Variants in ABI1 observed in about 807,000 individuals in gnomAD.
ABI1 encodes Abelson interactor 1.
A neutral mutation model predicts 54.6 loss-of-function variants in ABI1; 14 were observed. The observed-to-expected ratio is 0.26, with a 90% confidence interval of 0.17 to 0.40. The LOEUF is 0.40. Among genes scored for constraint, ABI1 ranks in the 10% least tolerant of loss-of-function variants. The probability of loss-of-function intolerance (pLI) is 1.00; values close to 1 mark genes in which losing one functional copy is unlikely to be tolerated. For missense variants in ABI1, 443 were observed against 598.3 expected (o/e 0.74, Z 2.71); for synonymous variants, 194 against 209.3 (o/e 0.93, Z 0.63).
intron 2 of ABI1, among the ~76,000 whole-genome samples, chr10:26,814,063 T>TG (rs1169539534): frequency 4.6e-5 from 7 of 152,196 alleles, no homozygotes; most frequent in Non-Finnish European, 1.0e-4. Flanking sequence ...AACTAGGTTT[T>TG]TGCCTATATA....
At chr10:26,858,846 T>C (rs549650406) in intron 1 of ABI1, among the ~76,000 whole-genome samples, 101 of 152,310 alleles carry the variant, frequency 6.6e-4, no homozygotes, top group African/African-American at 2.4e-3. Context: ...CCACACTATA[T>C]ACTTGTCAGA....
intron 2 of ABI1, among the ~76,000 whole-genome samples, chr10:26,796,479 C>T (rs1346412556): frequency 6.6e-6 from 1 of 152,134 alleles, no homozygotes; most frequent in African/African-American, 2.4e-5. Flanking sequence ...AGCCTAGGAG[C>T]AACAGGCTGT....
At chr10:26,797,839 C>T (rs191957230) in intron 2 of ABI1, among the ~76,000 whole-genome samples, 98 of 152,192 alleles carry the variant, frequency 6.4e-4, no homozygotes, top group African/African-American at 2.2e-3. Context: ...TTTTGATTGA[C>T]ATTAAAAGCA....
At chr10:26,748,813 AAAGAC>A in intron 10 of ABI1, 68 bp from the exon 11 acceptor site, 1 of 1,144,252 alleles carries the variant, frequency 8.7e-7, no homozygotes. Flanking sequence ...ATTTTAAGAC[AAAGAC>A]AATTAAATAT....
chr10:26,855,462 C>T (rs2050725979), intron 1 of ABI1, among the ~76,000 whole-genome samples: 1 of 152,156 alleles, frequency 6.6e-6, no homozygotes, highest in South Asian at 2.1e-4. Flanking sequence ...AACTCTATGA[C>T]TAAACAAAAC....
chr10:26,843,013 C>T (rs2049647591), intron 1 of ABI1, among the ~76,000 whole-genome samples: 1 of 152,042 alleles, frequency 6.6e-6, no homozygotes, highest in Non-Finnish European at 1.5e-5. Flanking sequence ...CACTGCACTC[C>T]AGCCTGGGCG....
rs1554800521 is a variant in ABI1, at chr10:26,747,022, C to CTT, written c.*1546_*1547dup. ...GGTAGCTAGCTGATCACTAATGATA[C>CTT]TTTGTTTGTTTAAAATTAACAAAGG... On this transcript the variant is annotated 3_prime_UTR_variant, in exon 11 of 11. Coordinates refer to ENST00000376140, the MANE Select transcript of ABI1 (RefSeq NM_001012750.3). The CTT allele has an allele frequency of 2.8e-5, 6 of 216,684 alleles. No individual in the cohort carries two copies. The highest frequency in any genetic ancestry group is 1.3e-4 in the East Asian group (2 of 14,940). The allele number at this position is 216,684 out of a possible 1,614,324, so 13.4% of individuals were successfully genotyped here. A position where few individuals can be genotyped will look rare whatever the true frequency, so the allele number is the denominator to read the frequency against.
intron 1 of ABI1, among the ~76,000 whole-genome samples, chr10:26,832,446 T>G (rs1339239929): frequency 2.0e-5 from 3 of 151,896 alleles, no homozygotes; most frequent in African/African-American, 4.8e-5. Flanking sequence ...TAGCTGGGAA[T>G]GGTGGCGGGC....
At chr10:26,799,719 G>T (rs1278814679) in intron 2 of ABI1, among the ~76,000 whole-genome samples, 2 of 152,188 alleles carry the variant, frequency 1.3e-5, no homozygotes, top group Non-Finnish European at 1.5e-5. Flanking sequence ...TTATGCGTTA[G>T]AAGTTCAAGT....
chr10:26,766,477 G>A (rs1839968370), intron 6 of ABI1, among the ~76,000 whole-genome samples: 1 of 152,196 alleles, frequency 6.6e-6, no homozygotes, highest in Non-Finnish European at 1.5e-5. Context: ...GATTTGCAAT[G>A]CCTGGATAAG....
chr10:26,855,115 A>G (rs1409129), intron 1 of ABI1, among the ~76,000 whole-genome samples: 39,091 of 152,040 alleles, frequency 0.26, 5,719 homozygotes, highest in South Asian at 0.44. Context: ...CCAAAATTCA[A>G]AAAAAAATCT....
At chr10:26,802,159 C>T (rs1564518450) in intron 2 of ABI1, among the ~76,000 whole-genome samples, 1 of 152,136 alleles carries the variant, frequency 6.6e-6, no homozygotes, top group Admixed American at 6.5e-5. Context: ...TTTGTTATCC[C>T]TGGAAGTTAA....
rs149085236 is a variant in ABI1, at chr10:26,786,494, A to G, written c.286-9253T>C. 3.6e-3 allele frequency among the ~76,000 whole-genome samples: 544 copies of G among 152,126 alleles called. 5 individuals carry two copies. The highest frequency in any genetic ancestry group is 0.029 in the East Asian group (151 of 5,166). On this transcript the variant is annotated intron_variant, in intron 2 of 10. Transcript: ENST00000376140. ...CTCGGCCTCCTAAAGTGCTGGGATT[A>G]CAGGCATGAGCCACCATGCCCCGCC...
At chr10:26,853,246 A>C (rs1266506617) in intron 1 of ABI1, among the ~76,000 whole-genome samples, 1 of 150,894 alleles carries the variant, frequency 6.6e-6, no homozygotes, top group Non-Finnish European at 1.5e-5. Context: ...AAAAAAAAAA[A>C]AAAAAAAATC....
At chr10:26,841,258 C>G (rs1222839650) in intron 1 of ABI1, among the ~76,000 whole-genome samples, 1 of 151,974 alleles carries the variant, frequency 6.6e-6, no homozygotes, top group Non-Finnish European at 1.5e-5. Context: ...TTTATATCAA[C>G]CATATATTTT....
intron 7 of ABI1, among the ~76,000 whole-genome samples, chr10:26,763,508 TCTC>T (rs1839503834): frequency 6.6e-6 from 1 of 152,142 alleles, no homozygotes; most frequent in Non-Finnish European, 1.5e-5. Flanking sequence ...TTTCAATTTT[TCTC>T]CTCCTGTCCC....
intron 2 of ABI1, among the ~76,000 whole-genome samples, chr10:26,805,635 C>G (rs546571503): frequency 1.4e-4 from 22 of 152,130 alleles, no homozygotes; most frequent in Admixed American, 3.9e-4. Context: ...TGAACAGAAG[C>G]AGGATTGCCA....
At chr10:26,809,451 C>T (rs1030338805) in intron 2 of ABI1, among the ~76,000 whole-genome samples, 28 of 151,814 alleles carry the variant, frequency 1.8e-4, no homozygotes, top group Non-Finnish European at 3.7e-4. Flanking sequence ...CCTAGCTACT[C>T]GGGAGGCTGG....
At chr10:26,813,180 C>T (rs866984373) in intron 2 of ABI1, among the ~76,000 whole-genome samples, 7 of 151,342 alleles carry the variant, frequency 4.6e-5, no homozygotes, top group Non-Finnish European at 2.9e-5. Flanking sequence ...ATCCAGGAGG[C>T]GGAGGTTGCA....
Sources: gnomAD v4.1 joint callset for allele counts (sites outside exome capture counted in the v4.1 genomes callset) on GRCh38, gnomAD v4.1.1 for gene constraint, MANE v1.5 for transcripts, NCBI Gene and HGNC (gene_info 2026-07-23, HGNC 2026-07-21) for gene names.